HLCS: variants seen among roughly 807,000 people sequenced by gnomAD.
HLCS encodes biotin--protein ligase.
HLCS carries 53 observed loss-of-function variants against 75.0 expected under a neutral mutation model. That is an observed-to-expected ratio of 0.71 (90% CI 0.57 to 0.89). The LOEUF (loss-of-function observed/expected upper bound fraction) is 0.89, where lower values mean the gene tolerates loss of function less well. HLCS is among the 40% of genes least tolerant of loss of function. The pLI is 0.00. For synonymous variants in HLCS, 431 were observed against 428.6 expected (o/e 1.01, Z -0.07); for missense variants, 966 against 1,074.0 (o/e 0.90, Z 1.41).
chr21:36,944,230 T>C (rs943976624), intron 2 of HLCS: 1 of 152,176 alleles, frequency 6.6e-6, no homozygotes, highest in African/African-American at 2.4e-5. Flanking sequence ...ACAACATGGA[T>C]GGATTTCAAA....
chr21:36,930,415 G>T lies in HLCS; in HGVS notation c.1456C>A (p.Pro486Thr). 1 of 1,614,160 alleles carries T rather than the reference G, an allele frequency of 6.2e-7. No individual in the cohort carries two copies. Among genetic ancestry groups the T allele is most frequent in the Non-Finnish European group, 8.5e-7 (1 of 1,179,982 alleles). The change falls in exon 5 of 11, where the codon CCC (proline) becomes ACC (threonine). Residue 486 changes from proline (P) to threonine (T), a missense_variant. Pro to Thr is a conservative substitution (Grantham distance 38). Coordinates refer to ENST00000674895, the MANE Select transcript of HLCS (RefSeq NM_001352514.2). Reference sequence around the variant, plus strand: ...GGAGTTTGCACTATGTTGGAGCTGGGAGGTAGTTCTAAGTGCACCTGAAGG... The same window carrying T: ...GGAGTTTGCACTATGTTGGAGCTGGTAGGTAGTTCTAAGTGCACCTGAAGG... Reference protein sequence around the residue: ...VLCQVHLELPPSSNIVQTPED... With the variant: ...VLCQVHLELPTSSNIVQTPED...
chr21:36,989,046 A>ATTTAT (rs2069285021), intron 1 of HLCS, among the ~76,000 whole-genome samples: 1 of 142,588 alleles, frequency 7.0e-6, no homozygotes, highest in African/African-American at 2.5e-5. Flanking sequence ...TTATTTATTT[A>ATTTAT]TTTTTTTTGA....
intron 6 of HLCS, among the ~76,000 whole-genome samples, chr21:36,850,581 A>G (rs2062961715): frequency 6.6e-6 from 1 of 152,042 alleles, no homozygotes. Context: ...CCACACACGC[A>G]TGCCTGTCCT....
chr21:36,948,391 A>C (rs1408173854), intron 2 of HLCS: 1 of 151,920 alleles, frequency 6.6e-6, no homozygotes, highest in African/African-American at 2.4e-5. Flanking sequence ...TTGGAAATAG[A>C]GAGGATAAAG....
rs79456212 is a variant in HLCS, at chr21:36,870,095, G to A, written c.1892+26765C>T. Among the ~76,000 whole-genome samples the A allele has an allele frequency of 5.2e-3, 798 of 152,256 alleles. 7 individuals are homozygous for A. The highest frequency in any genetic ancestry group is 8.3e-3 in the Non-Finnish European group (567 of 68,016). On this transcript the variant is annotated intron_variant, in intron 6 of 10. Coordinates refer to ENST00000674895, the MANE Select transcript of HLCS (RefSeq NM_001352514.2). ...CAAAGCATGCATGTTTTTCATTTAA[G>A]AGACTTCAGAAATTGACTCTGAAGG...
At chr21:36,978,507 A>G (rs2069006245) in intron 1 of HLCS, among the ~76,000 whole-genome samples, 1 of 151,930 alleles carries the variant, frequency 6.6e-6, no homozygotes, top group African/African-American at 2.4e-5. Context: ...ACAAAAAAAA[A>G]AAAAGAAAAT....
At chr21:36,824,832 C>G (rs1485554327) in intron 6 of HLCS, among the ~76,000 whole-genome samples, 1 of 152,156 alleles carries the variant, frequency 6.6e-6, no homozygotes, top group East Asian at 1.9e-4. Flanking sequence ...AGTCACATTT[C>G]CCTCCTTTTC....
intron 6 of HLCS, among the ~76,000 whole-genome samples, chr21:36,839,039 T>C (rs2062523371): frequency 1.3e-5 from 2 of 152,226 alleles, no homozygotes; most frequent in African/African-American, 2.4e-5. Flanking sequence ...ACTCTAATTT[T>C]TGGAGCAGCA....
At chr21:36,838,378 T>C (rs115633124) in intron 6 of HLCS, among the ~76,000 whole-genome samples, 2,004 of 151,434 alleles carry the variant, frequency 0.013, 37 homozygotes, top group African/African-American at 0.046. Flanking sequence ...TTTACTTACT[T>C]GGAAAAAGGG....
chr21:36,815,101 T>C (rs1374406421), intron 6 of HLCS, among the ~76,000 whole-genome samples: 21 of 151,188 alleles, frequency 1.4e-4, no homozygotes, highest in Non-Finnish European at 2.1e-4. Context: ...ATCTCGGCTC[T>C]CTGCAACCTC....
At position 36,845,247 on chromosome 21, in the gene HLCS, C is replaced by T. The variant is rs182598985; in HGVS notation, c.1892+51613G>A. On this transcript the variant is annotated intron_variant, in intron 6 of 10. Transcript: ENST00000674895. ...ATGCTCACAGCCGGCCACTCGGCCC[C>T]GATCAAAGCGGGTTCCATATTACCA... Among the ~76,000 whole-genome samples, 8 of 152,206 alleles carry T rather than the reference C, an allele frequency of 5.3e-5. No individual in the cohort carries two copies. The East Asian group carries it at 1.5e-3, about 29-fold the overall frequency.
intron 1 of HLCS, among the ~76,000 whole-genome samples, chr21:36,989,021 TTTTATTTTA>T (rs2069282731): frequency 6.7e-6 from 1 of 148,716 alleles, no homozygotes; most frequent in African/African-American, 2.5e-5. Context: ...TTTAATTTTA[TTTTATTTTA>T]TTTATTTATT....
chr21:36,868,847 T>A (rs1294630086), intron 6 of HLCS, among the ~76,000 whole-genome samples: 1 of 152,080 alleles, frequency 6.6e-6, no homozygotes, highest in African/African-American at 2.4e-5. Flanking sequence ...GAGAAGTCCA[T>A]CCACCCTAGT....
At chr21:36,957,581 TTCAAAA>T (rs1433441047) in intron 2 of HLCS, among the ~76,000 whole-genome samples, 11 of 152,230 alleles carry the variant, frequency 7.2e-5, no homozygotes, top group Admixed American at 2.6e-4. Context: ...TTTCAATAAA[TTCAAAA>T]TCATTTTTAA....
At chr21:36,790,686 C>T (rs573064110) in intron 6 of HLCS, among the ~76,000 whole-genome samples, 11 of 152,284 alleles carry the variant, frequency 7.2e-5, no homozygotes, top group South Asian at 2.1e-4. Context: ...CGCAAACGGA[C>T]GCAGGAATGC....
intron 6 of HLCS, among the ~76,000 whole-genome samples, chr21:36,869,623 A>G (rs2063702655): frequency 6.6e-6 from 1 of 152,194 alleles, no homozygotes; most frequent in Non-Finnish European, 1.5e-5. Flanking sequence ...TTCATGATAC[A>G]CGGAGAACAA....
intron 1 of HLCS, among the ~76,000 whole-genome samples, chr21:36,986,106 G>T (rs1472634594): frequency 6.6e-6 from 1 of 152,120 alleles, no homozygotes; most frequent in Non-Finnish European, 1.5e-5. Flanking sequence ...GGTCATAAAG[G>T]CTCTGCTGTT....
chr21:36,801,219 G>A (rs1051338115), intron 6 of HLCS, among the ~76,000 whole-genome samples: 1 of 152,158 alleles, frequency 6.6e-6, no homozygotes, highest in Non-Finnish European at 1.5e-5. Flanking sequence ...TGTCATTCGT[G>A]CCAGCCAAAA....
At chr21:36,767,646 T>C (rs1162117774) in intron 6 of HLCS, among the ~76,000 whole-genome samples, 1 of 152,070 alleles carries the variant, frequency 6.6e-6, no homozygotes, top group Non-Finnish European at 1.5e-5. Flanking sequence ...GTATGTACCT[T>C]CTTCAAGTGA....
Sources: gnomAD v4.1 joint callset for allele counts (sites outside exome capture counted in the v4.1 genomes callset) on GRCh38, gnomAD v4.1.1 for gene constraint, MANE v1.5 for transcripts, NCBI Gene and HGNC (gene_info 2026-07-23, HGNC 2026-07-21) for gene names.